Variants in PARD3B observed in about 807,000 individuals in gnomAD.
PARD3B encodes the protein par-3 family cell polarity regulator beta.
A neutral mutation model predicts 130.2 loss-of-function variants in PARD3B; 103 were observed. The observed-to-expected ratio is 0.79, with a 90% confidence interval of 0.67 to 0.93. PARD3B has a LOEUF of 0.93. Among genes scored for constraint, PARD3B ranks in the 40% least tolerant of loss-of-function variants. The pLI, the probability that PARD3B is intolerant of heterozygous loss-of-function variation, is 0.00. For synonymous variants in PARD3B, 583 were observed against 553.2 expected (o/e 1.05, Z -0.76); for missense variants, 1,609 against 1,499.2 (o/e 1.07, Z -1.21).
intron 21 of PARD3B, among the ~76,000 whole-genome samples, chr2:205,538,388 G>A (rs1461725370): frequency 6.6e-6 from 1 of 152,160 alleles, no homozygotes; most frequent in African/African-American, 2.4e-5. Flanking sequence ...ACTGTAGATT[G>A]TGAAAGGCTT....
chr2:204,703,551 A>T (rs1180709893), intron 2 of PARD3B, among the ~76,000 whole-genome samples: 1 of 152,220 alleles, frequency 6.6e-6, no homozygotes, highest in Non-Finnish European at 1.5e-5. Context: ...ATTATTCAAG[A>T]TTATAAAATG....
chr2:204,752,920 C>T (rs191177307), intron 2 of PARD3B, among the ~76,000 whole-genome samples: 60 of 152,122 alleles, frequency 3.9e-4, no homozygotes, highest in African/African-American at 1.3e-3. Flanking sequence ...GGTTAATTTT[C>T]CATGACTATT....
intron 1 of PARD3B, among the ~76,000 whole-genome samples, chr2:204,650,820 G>A (rs2035450282): frequency 1.3e-5 from 2 of 152,210 alleles, no homozygotes; most frequent in South Asian, 4.2e-4. Context: ...ATGCCTGGGA[G>A]GCCTCAGGAC....
In PARD3B at chr2:205,585,154, T is replaced by A. The variant is rs2054151388; in HGVS notation, c.3261-30302T>A. ...GAATGATTGCTCACTCCTTTCTGGC[T>A]TAGTCTTTTTTGTGGAATGCCTGCC... On this transcript the variant is annotated intron_variant, in intron 22 of 22. Coordinates refer to ENST00000406610, the MANE Select transcript of PARD3B (RefSeq NM_001302769.2). The surrounding 1 kb of genome is among the most constrained non-coding windows in gnomAD (Gnocchi z 5.4). 6.6e-6 allele frequency among the ~76,000 whole-genome samples: 1 copy of A among 152,200 alleles called. No individual in the cohort carries two copies. The highest frequency in any genetic ancestry group is 1.5e-5 in the Non-Finnish European group (1 of 68,036).
At chr2:205,536,135 T>C (rs1575289367) in intron 21 of PARD3B, among the ~76,000 whole-genome samples, 1 of 152,298 alleles carries the variant, frequency 6.6e-6, no homozygotes, top group East Asian at 1.9e-4. Flanking sequence ...TGGGGTCCTT[T>C]ACAGGTATTA....
chr2:204,924,902 A>G (rs1018487291), intron 2 of PARD3B, among the ~76,000 whole-genome samples: 2 of 152,004 alleles, frequency 1.3e-5, no homozygotes, highest in African/African-American at 4.8e-5. Context: ...AATAAAGAGA[A>G]CAGTGTAAAT....
At chr2:205,212,351 G>A (rs1369940825) in intron 15 of PARD3B, among the ~76,000 whole-genome samples, 3 of 152,068 alleles carry the variant, frequency 2.0e-5, no homozygotes, top group African/African-American at 4.8e-5. Flanking sequence ...TCTTCAGGAT[G>A]TAATAAATGC....
chr2:205,402,119 T>C (rs546257939), intron 19 of PARD3B, among the ~76,000 whole-genome samples: 31 of 152,318 alleles, frequency 2.0e-4, no homozygotes, highest in African/African-American at 6.7e-4. Context: ...TCTGTTCCCG[T>C]TGAGAAGGCT....
rs2033881627 is a variant in PARD3B, at chr2:204,610,467, T to G, written c.120+64348T>G. The stretch of plus-strand genomic sequence containing the variant: ...ACCTCCCATGTTAAAGCGATTCTCC[T>G]GCGTCAGCCTCCCGAGTGGCTGGGA... On this transcript the variant is annotated intron_variant, in intron 1 of 22. Transcript: ENST00000406610. This position sits in a 1 kb window ranked among gnomAD's most constrained non-coding sequence, Gnocchi z 4.1. 1.3e-5 allele frequency among the ~76,000 whole-genome samples: 2 copies of G among 152,176 alleles called. No homozygotes were observed. Among genetic ancestry groups the G allele is most frequent in the South Asian group, 4.1e-4 (2 of 4,830 alleles).
intron 21 of PARD3B, among the ~76,000 whole-genome samples, chr2:205,546,475 A>C (rs905338822): frequency 1.3e-5 from 2 of 152,162 alleles, no homozygotes; most frequent in Admixed American, 1.3e-4. Context: ...ATTGGATTGA[A>C]GCTGCTGACC....
At chr2:205,195,413 G>A (rs367925088) in intron 15 of PARD3B, among the ~76,000 whole-genome samples, 10 of 152,136 alleles carry the variant, frequency 6.6e-5, no homozygotes, top group African/African-American at 2.4e-4. Flanking sequence ...AGAAGTACCA[G>A]GCTAAAGCCA....
chr2:204,972,338 A>C (rs1244316269), intron 3 of PARD3B, among the ~76,000 whole-genome samples: 1 of 152,214 alleles, frequency 6.6e-6, no homozygotes, highest in East Asian at 1.9e-4. Context: ...AATGCATTTT[A>C]AATGAGATAT....
In PARD3B at chr2:205,397,663, A is replaced by G. The variant is rs1173430182; in HGVS notation, c.2631-3350A>G. 1.3e-5 allele frequency among the ~76,000 whole-genome samples: 2 copies of G among 152,192 alleles called. No individual in the cohort carries two copies. The highest frequency in any genetic ancestry group is 2.4e-5 in the African/African-American group (1 of 41,450). The stretch of plus-strand genomic sequence containing the variant: ...GAAATAATATGGGACATGGAAAAAA[A>G]AGAAAAGCCTGATACCTGTAAAGCT... On this transcript the variant is annotated intron_variant, in intron 18 of 22. Coordinates refer to ENST00000406610, the MANE Select transcript of PARD3B (RefSeq NM_001302769.2). This position sits in a 1 kb window ranked among gnomAD's most constrained non-coding sequence, Gnocchi z 4.8.
At chr2:205,270,509 G>A (rs2040682091) in intron 16 of PARD3B, among the ~76,000 whole-genome samples, 1 of 151,924 alleles carries the variant, frequency 6.6e-6, no homozygotes, top group African/African-American at 2.4e-5. Flanking sequence ...GGAGGTTGCA[G>A]TGAGCCAAGA....
At chr2:205,374,064 T>A (rs2044931834) in intron 18 of PARD3B, among the ~76,000 whole-genome samples, 1 of 151,380 alleles carries the variant, frequency 6.6e-6, no homozygotes, top group East Asian at 1.9e-4. Flanking sequence ...AAAAGTGCAA[T>A]GAGAAAGCCA....
chr2:204,856,238 C>G (rs2044932098), intron 2 of PARD3B, among the ~76,000 whole-genome samples: 1 of 152,154 alleles, frequency 6.6e-6, no homozygotes, highest in African/African-American at 2.4e-5. Flanking sequence ...AATAGTCATT[C>G]TAACAGGCAG....
At chr2:205,133,723 A>G (rs2032225212) in intron 10 of PARD3B, among the ~76,000 whole-genome samples, 1 of 152,180 alleles carries the variant, frequency 6.6e-6, no homozygotes, top group Non-Finnish European at 1.5e-5. Flanking sequence ...CATTTTGGCA[A>G]AGGGCCAGTG....
rs186470974 is a variant in PARD3B at position 205,577,139 on chromosome 2, T to C, written c.3260+23736T>C. ...ATGATTGACTTTTGTATATTAATTT[T>C]GTCTTCTGCAACCTTGCTATAATTG... On this transcript the variant is annotated intron_variant, in intron 22 of 22. Transcript: ENST00000406610. Among the ~76,000 whole-genome samples, 41 of 152,338 alleles carry C rather than the reference T, an allele frequency of 2.7e-4. No individual in the cohort carries two copies. In the East Asian group the frequency reaches 7.7e-3, roughly 29 times the overall value.
At chr2:205,308,080 T>C (rs2042246424) in intron 18 of PARD3B, among the ~76,000 whole-genome samples, 1 of 152,236 alleles carries the variant, frequency 6.6e-6, no homozygotes, top group Non-Finnish European at 1.5e-5. Flanking sequence ...GTAACATTTA[T>C]TGAAAGCCTT....
Sources: gnomAD v4.1 joint callset for allele counts (sites outside exome capture counted in the v4.1 genomes callset) on GRCh38, gnomAD v4.1.1 for gene constraint, Gnocchi (gnomAD v3.1) non-coding constraint, MANE v1.5 for transcripts, NCBI Gene and HGNC (gene_info 2026-07-23, HGNC 2026-07-21) for gene names.